Variants in WDFY4 observed in about 807,000 individuals in gnomAD.
WDFY4 encodes WD repeat- and FYVE domain-containing protein 4.
A neutral mutation model predicts 351.9 loss-of-function variants in WDFY4; 169 were observed. That is an observed-to-expected ratio of 0.48 (90% confidence interval 0.42 to 0.55). WDFY4 has a LOEUF of 0.55. Ranked by LOEUF, WDFY4 falls within the 20% of genes least tolerant of loss-of-function variation. The pLI is 0.00. For missense variants in WDFY4, 3,803 were observed against 3,935.6 expected (o/e 0.97, Z 0.90); for synonymous variants, 1,622 against 1,574.6 (o/e 1.03, Z -0.71).
intron 12 of WDFY4, among the ~76,000 whole-genome samples, chr10:48,753,723 C>T (rs2065249792): frequency 6.6e-6 from 1 of 152,130 alleles, no homozygotes; most frequent in Admixed American, 6.5e-5. Context: ...CTATATTTAT[C>T]CTTATGTCAG....
intron 47 of WDFY4, chr10:48,910,743 A>G (rs1837924027): frequency 6.0e-6 from 1 of 167,704 alleles, no homozygotes; most frequent in Non-Finnish European, 1.2e-5. Flanking sequence ...AAAGCATGAT[A>G]AAGCCCCAGA....
intron 5 of WDFY4, among the ~76,000 whole-genome samples, chr10:48,725,261 G>T (rs968924022): frequency 1.3e-5 from 2 of 152,226 alleles, no homozygotes; most frequent in Admixed American, 1.3e-4. Flanking sequence ...AGCAGGTCCT[G>T]TTGGACCCCC....
At chr10:48,725,276 G>A (rs2132301912) in intron 5 of WDFY4, among the ~76,000 whole-genome samples, 1 of 152,350 alleles carries the variant, frequency 6.6e-6, no homozygotes, top group East Asian at 1.9e-4. Flanking sequence ...ACCCCCAAGA[G>A]CCCAGGGGGG....
intron 6 of WDFY4, among the ~76,000 whole-genome samples, chr10:48,727,054 C>A (rs985453360): frequency 1.2e-4 from 18 of 152,222 alleles, no homozygotes; most frequent in African/African-American, 4.3e-4. Context: ...AGCACCCCAT[C>A]TTTTTACCCT....
intron 39 of WDFY4, among the ~76,000 whole-genome samples, chr10:48,848,832 G>A (rs1028198478): frequency 6.6e-6 from 1 of 152,222 alleles, no homozygotes. Flanking sequence ...TAGTTTACAC[G>A]ATAACCACAG....
At chr10:48,865,579 A>T (rs1315124018) in intron 39 of WDFY4, among the ~76,000 whole-genome samples, 1 of 152,156 alleles carries the variant, frequency 6.6e-6, no homozygotes, top group East Asian at 1.9e-4. Context: ...GTCCCATAGA[A>T]TGTGTTGGGA....
chr10:48,758,612 C>T (rs1453307971), intron 12 of WDFY4, among the ~76,000 whole-genome samples: 1 of 152,074 alleles, frequency 6.6e-6, no homozygotes, highest in African/African-American at 2.4e-5. Context: ...TAATCTTTTT[C>T]CTTTTTGTTG....
At chr10:48,798,052 C>G (rs555583419) in intron 24 of WDFY4, among the ~76,000 whole-genome samples, 61 of 152,204 alleles carry the variant, frequency 4.0e-4, no homozygotes, top group African/African-American at 1.4e-3. Context: ...CGAACTTGAA[C>G]CAGAAGTGAC....
chr10:48,741,206 C>T (rs2064839166), intron 11 of WDFY4, among the ~76,000 whole-genome samples: 1 of 152,124 alleles, frequency 6.6e-6, no homozygotes, highest in Admixed American at 6.5e-5. Flanking sequence ...TGACTACTCG[C>T]CCAGCAGCTC....
At position 48,721,319 on chromosome 10, in the gene WDFY4, T is replaced by A; in HGVS notation, c.408T>A (p.Asp136Glu). Residue 136 changes from aspartate to glutamate, a missense_variant, in exon 4 of 62, where the codon GAT becomes GAA. Around this residue, in one of 3 missense-constraint regions of WDFY4, gnomAD observed 488 missense variants for 456.8 expected, o/e 1.07. Transcript: ENST00000325239. ...LLWWKGDVDQDGYLLLKSVYV... is the reference protein window; with the variant it reads ...LLWWKGDVDQEGYLLLKSVYV... ...GGTGGAAGGGGGACGTGGATCAGGA[T>A]GGCTACTTGCTCCTGAAGTCAGTGT... The A allele has an allele frequency of 6.4e-7, 1 of 1,551,634 alleles. No individual in the cohort carries two copies. The highest frequency in any genetic ancestry group is 1.4e-5 in the African/African-American group (1 of 73,138).
chr10:48,926,888 T>C (rs1196454938), intron 47 of WDFY4, among the ~76,000 whole-genome samples: 2 of 152,188 alleles, frequency 1.3e-5, no homozygotes, highest in Admixed American at 1.3e-4. Flanking sequence ...TCGTTGTTTC[T>C]CAGCTTCTCC....
chr10:48,820,382 T>C lies in WDFY4; in HGVS notation c.5654T>C (p.Leu1885Pro), dbSNP rs1485405471. Residue 1885 changes from leucine to proline, a missense_variant, in exon 33 of 62, where the codon CTC becomes CCC. By Grantham distance (98) the Leu-to-Pro change is moderately conservative (BLOSUM62 -3). Around this residue, in one of 3 missense-constraint regions of WDFY4, gnomAD observed 3,054 missense variants for 3,148.6 expected, o/e 0.97. Coordinates refer to ENST00000325239, the MANE Select transcript of WDFY4 (RefSeq NM_001394531.1). ...TTCACGCAGCTCCTCTTGAGGGAGC[T>C]CCTGCTTGGAGCCTCCAGCCCCAAG... ...REFTQLLLRE[L>P]LLGASSPKQW... 1.3e-6 allele frequency: 2 copies of C among 1,551,562 alleles called. No homozygotes were observed. The highest frequency in any genetic ancestry group is 1.7e-6 in the Non-Finnish European group (2 of 1,146,974).
chr10:48,786,296 G>A (rs1006008450), intron 19 of WDFY4, among the ~76,000 whole-genome samples: 3 of 151,972 alleles, frequency 2.0e-5, no homozygotes, highest in Admixed American at 2.0e-4. Context: ...TTTCCACTCT[G>A]TATGTATGTA....
intron 39 of WDFY4, among the ~76,000 whole-genome samples, chr10:48,838,908 T>G (rs778760481): frequency 1.3e-5 from 2 of 152,250 alleles, no homozygotes; most frequent in Non-Finnish European, 2.9e-5. Flanking sequence ...TCTTGCTTGC[T>G]GGCATGTTTG....
At chr10:48,752,822 T>G (rs762673288) in intron 12 of WDFY4, among the ~76,000 whole-genome samples, 6 of 152,250 alleles carry the variant, frequency 3.9e-5, no homozygotes, top group Non-Finnish European at 8.8e-5. Flanking sequence ...TTCTTGTAAA[T>G]AGTGCTGCTA....
intron 42 of WDFY4, among the ~76,000 whole-genome samples, chr10:48,876,813 G>A (rs1428196477): frequency 2.6e-5 from 4 of 152,230 alleles, no homozygotes; most frequent in Non-Finnish European, 5.9e-5. Context: ...GGCCCTCCAG[G>A]ATAAGTCAAC....
intron 48 of WDFY4, 72 bp from the exon 49 acceptor site, chr10:48,943,258 G>T: frequency 6.6e-7 from 1 of 1,518,232 alleles, no homozygotes. Context: ...GCCGAGGCCT[G>T]AGGGTGGGAC....
chr10:48,715,941 G>A (rs113735929), intron 2 of WDFY4, among the ~76,000 whole-genome samples: 6,049 of 151,834 alleles, frequency 0.04, 137 homozygotes, highest in South Asian at 0.085. Flanking sequence ...GAGCCACCGC[G>A]CCCGGCCACC....
At chr10:48,686,426 A>G (rs2063051815) in intron 1 of WDFY4, among the ~76,000 whole-genome samples, 1 of 152,040 alleles carries the variant, frequency 6.6e-6, no homozygotes, top group African/African-American at 2.4e-5. Flanking sequence ...AGATTTTTTT[A>G]AAGATCAGCA....
Sources: gnomAD v4.1 joint callset for allele counts (sites outside exome capture counted in the v4.1 genomes callset) on GRCh38, gnomAD v4.1.1 for gene constraint, gnomAD v4.1.1 regional missense constraint, MANE v1.5 for transcripts, NCBI Gene and HGNC (gene_info 2026-07-23, HGNC 2026-07-21) for gene names.